Variants in LRRC72 observed in about 807,000 individuals in gnomAD.
The protein encoded by LRRC72 is leucine rich repeat containing 72.
In LRRC72, 41 loss-of-function variants were observed where a neutral mutation model predicts 35.8. That is an observed-to-expected ratio of 1.15 (90% CI 0.89 to 1.49). LRRC72 has a LOEUF of 1.49. LRRC72 is among the 40% of genes most tolerant of loss of function. LRRC72 has a pLI of 0.00. For synonymous variants in LRRC72, 118 were observed against 119.2 expected (o/e 0.99, Z 0.07); for missense variants, 389 against 330.7 (o/e 1.18, Z -1.37).
chr7:16,545,881 A>G (rs1253331449), intron 3 of LRRC72, among the ~76,000 whole-genome samples: 1 of 152,172 alleles, frequency 6.6e-6, no homozygotes, highest in Non-Finnish European at 1.5e-5. Context: ...AACAGCAGGT[A>G]CAAATATTTT....
In LRRC72 at chr7:16,537,655, A is replaced by C. The variant is rs909042119; in HGVS notation, c.193A>C (p.Arg65=). 41 of 1,528,178 alleles carry C rather than the reference A, an allele frequency of 2.7e-5. No individual in the cohort carries two copies. The highest frequency in any genetic ancestry group is 3.3e-5 in the Non-Finnish European group (38 of 1,134,566). 94.7% of individuals were successfully genotyped at this position (1,528,178 alleles called of 1,614,324 possible). ...ACTGACAGAGGTCATTGATCTTTCT[A>C]GGTTTAAAAAATTAAAATACTTATG... The part of the protein sequence containing the change: ...KELTEVIDLS[R]FKKLKYLWLH... Residue 65 remains arginine, a synonymous_variant, in exon 3 of 9, where the codon AGG becomes CGG. Coordinates refer to ENST00000401542, the MANE Select transcript of LRRC72 (RefSeq NM_001195280.2).
At chr7:16,533,851 T>C (rs1782208654) in intron 2 of LRRC72, among the ~76,000 whole-genome samples, 1 of 152,162 alleles carries the variant, frequency 6.6e-6, no homozygotes, top group Non-Finnish European at 1.5e-5. Context: ...CCTCTCGATA[T>C]AGGTCAGTTA....
intron 3 of LRRC72, among the ~76,000 whole-genome samples, chr7:16,539,094 CAGA>C (rs1314534694): frequency 6.6e-6 from 1 of 152,144 alleles, no homozygotes; most frequent in Non-Finnish European, 1.5e-5. Context: ...TTGGAGGGCT[CAGA>C]AGAAGACAGG....
intron 5 of LRRC72, among the ~76,000 whole-genome samples, chr7:16,564,436 A>G (rs1454253442): frequency 1.3e-5 from 2 of 151,886 alleles, no homozygotes; most frequent in African/African-American, 4.8e-5. Flanking sequence ...CTGCAGTTAT[A>G]ATTATTTGTT....
Position 16,580,758 on chromosome 7 carries a change from G to A in LRRC72, c.699-566G>A, listed in dbSNP as rs568143060. On this transcript the variant is annotated intron_variant, in intron 8 of 8. Transcript: ENST00000401542. ...GTTCAGTCATAGCAGTTATCATGTA[G>A]ATTAACATTTTATATTCATTGGAAT... Among the ~76,000 whole-genome samples the A allele has an allele frequency of 5.8e-4, 89 of 152,246 alleles. 1 individual carries two copies. Among genetic ancestry groups the A allele is most frequent in the African/African-American group, 1.9e-3 (78 of 41,544 alleles).
chr7:16,539,429 G>C (rs927078935), intron 3 of LRRC72, among the ~76,000 whole-genome samples: 1 of 152,186 alleles, frequency 6.6e-6, no homozygotes, highest in African/African-American at 2.4e-5. Context: ...CATTCACAAA[G>C]AGATTATCTG....
Position 16,541,737 on chromosome 7 carries a change from C to A in LRRC72, c.234+4041C>A, listed in dbSNP as rs141336213. ...GACCAGCCTGGCCAACATGGTGAAACTCCGTCTCTACTAAAAATACAAAAA... is the reference window on the plus strand; with the variant it reads ...GACCAGCCTGGCCAACATGGTGAAAATCCGTCTCTACTAAAAATACAAAAA... On this transcript the variant is annotated intron_variant, in intron 3 of 8. Coordinates refer to ENST00000401542, the MANE Select transcript of LRRC72 (RefSeq NM_001195280.2). Among the ~76,000 whole-genome samples, 664 of 152,330 alleles carry A rather than the reference C, an allele frequency of 4.4e-3. 7 individuals are homozygous for A. The highest frequency in any genetic ancestry group is 0.015 in the African/African-American group (610 of 41,588).
rs1782076067 is a variant in LRRC72, at chr7:16,526,885, C to T, written c.-68C>T. 7.7e-7 allele frequency: 1 copy of T among 1,296,660 alleles called. No individual in the cohort carries two copies. The highest frequency in any genetic ancestry group is 1.1e-6 in the Non-Finnish European group (1 of 928,518). The allele number at this position is 1,296,660 out of a possible 1,614,324, so 80.3% of individuals were successfully genotyped here. ...CAACGAGCTGTGCACCAAGCCAAGTCTCTCTTCGGTGCCACCGGCGGGCGA... is the reference window on the plus strand; with the variant it reads ...CAACGAGCTGTGCACCAAGCCAAGTTTCTCTTCGGTGCCACCGGCGGGCGA... On this transcript the variant is annotated 5_prime_UTR_variant, in exon 1 of 9. Transcript: ENST00000401542.
rs1240095786 is a variant in LRRC72 at position 16,581,499 on chromosome 7, T to G, written c.*10T>G. ...AGTTACACTGAGATAAGCCCTGGTA[T>G]TTCTAGATATCTTAGTGGTTTTCAG... On this transcript the variant is annotated 3_prime_UTR_variant, in exon 9 of 9. Coordinates refer to ENST00000401542, the MANE Select transcript of LRRC72 (RefSeq NM_001195280.2). 2 of 1,532,196 alleles carry G rather than the reference T, an allele frequency of 1.3e-6. No individual in the cohort carries two copies. The highest frequency in any genetic ancestry group is 4.1e-5 in the Admixed American group (2 of 48,352). The allele number at this position is 1,532,196 out of a possible 1,614,324, so 94.9% of individuals were successfully genotyped here. A position where few individuals can be genotyped will look rare whatever the true frequency, so the allele number is the denominator to read the frequency against.
chr7:16,541,946 C>CAG (rs765199602), intron 3 of LRRC72, among the ~76,000 whole-genome samples: 35 of 147,972 alleles, frequency 2.4e-4, no homozygotes, highest in Non-Finnish European at 4.0e-4. Flanking sequence ...GACAGACAGA[C>CAG]ACACACACAC....
At chr7:16,541,773 G>T (rs746182144) in intron 3 of LRRC72, among the ~76,000 whole-genome samples, 1 of 152,204 alleles carries the variant, frequency 6.6e-6, no homozygotes, top group African/African-American at 2.4e-5. Context: ...TTAGCTGGTT[G>T]TGGTGGCGGG....
rs1041319014 is a variant in LRRC72 at position 16,570,833 on chromosome 7, A to C, written c.670+3290A>C. ...CTCAAAACAAACAAACAAACAAAAA[A>C]CCCATATTCACATTTTCTCAATTGT... is the stretch of plus-strand genomic sequence containing the variant. On this transcript the variant is annotated intron_variant, in intron 7 of 8. Coordinates refer to ENST00000401542, the MANE Select transcript of LRRC72 (RefSeq NM_001195280.2). Among the ~76,000 whole-genome samples, 11 of 151,932 alleles carry C rather than the reference A, an allele frequency of 7.2e-5. No homozygotes were observed. The East Asian group carries it at 1.9e-3, about 27-fold the overall frequency.
At chr7:16,534,673 GA>G (rs1782223060) in intron 2 of LRRC72, among the ~76,000 whole-genome samples, 1 of 151,724 alleles carries the variant, frequency 6.6e-6, no homozygotes, top group African/African-American at 2.4e-5. Context: ...AAAATAAAAT[GA>G]AATAACTTTT....
At chr7:16,547,311 G>A (rs955748658) in intron 3 of LRRC72, among the ~76,000 whole-genome samples, 1 of 152,136 alleles carries the variant, frequency 6.6e-6, no homozygotes, top group Admixed American at 6.5e-5. Flanking sequence ...GGCACGGAGT[G>A]GGGGGCAGAG....
chr7:16,553,293 C>T (rs891982862), intron 3 of LRRC72, among the ~76,000 whole-genome samples: 3 of 152,148 alleles, frequency 2.0e-5, no homozygotes, highest in Non-Finnish European at 2.9e-5. Context: ...GTAATATCTG[C>T]CAATCTTTGG....
chr7:16,550,036 TAGTC>T (rs1782521489), intron 3 of LRRC72, among the ~76,000 whole-genome samples: 3 of 152,060 alleles, frequency 2.0e-5, no homozygotes, highest in Non-Finnish European at 4.4e-5. Flanking sequence ...CTGAGAAACA[TAGTC>T]AGACCACATC....
intron 7 of LRRC72, among the ~76,000 whole-genome samples, chr7:16,573,750 C>T (rs1356169349): frequency 6.6e-6 from 1 of 152,152 alleles, no homozygotes; most frequent in South Asian, 2.1e-4. Flanking sequence ...TGGGCAAAGA[C>T]TTCATGACTA....
At chr7:16,538,172 C>CT (rs1782295551) in intron 3 of LRRC72, among the ~76,000 whole-genome samples, 1 of 152,208 alleles carries the variant, frequency 6.6e-6, no homozygotes, top group Admixed American at 6.5e-5. Flanking sequence ...CTATGGCTGA[C>CT]TGCAGAGGGC....
chr7:16,562,533 C>A (rs1782761047), intron 5 of LRRC72, among the ~76,000 whole-genome samples: 1 of 152,248 alleles, frequency 6.6e-6, no homozygotes, highest in African/African-American at 2.4e-5. Flanking sequence ...CCTACCGGAG[C>A]TTCCAGGAAT....
Sources: allele counts gnomAD v4.1 joint callset (sites outside exome capture counted in the v4.1 genomes callset), GRCh38; gene constraint gnomAD v4.1.1; transcripts MANE v1.5; gene names NCBI Gene and HGNC (gene_info 2026-07-23, HGNC 2026-07-21).